AXIN1: variants seen among roughly 807,000 people sequenced by gnomAD.
AXIN1 encodes axin-1.
In AXIN1, 30 loss-of-function variants were observed where a neutral mutation model predicts 76.4. That is an observed-to-expected ratio of 0.39 (90% CI 0.29 to 0.53). AXIN1 has a LOEUF of 0.53. Among genes scored for constraint, AXIN1 ranks in the 20% least tolerant of loss-of-function variants. The pLI is 0.66. For synonymous variants in AXIN1, 545 were observed against 501.4 expected, an observed-to-expected ratio of 1.09 and a Z score of -1.16; for missense variants, 1,140 against 1,198.8, an observed-to-expected ratio of 0.95 and a Z score of 0.72.
At position 293,459 on chromosome 16, in the gene AXIN1, A is replaced by G; in HGVS notation, c.2186+29T>C. ...GAGTGGTGCTGTGGTAACCCCCAAG[A>G]CCCACCCCACCCCACGACGCGGCCG... On this transcript the variant is annotated intron_variant, in intron 8 of 10. Coordinates refer to ENST00000262320, the MANE Select transcript of AXIN1 (RefSeq NM_003502.4). The surrounding 1 kb of genome is among the most constrained non-coding windows in gnomAD (Gnocchi z 4.6). 6.3e-7 allele frequency: 1 copy of G among 1,596,604 alleles called. No individual in the cohort carries two copies. The highest frequency in any genetic ancestry group is 8.5e-7 in the Non-Finnish European group (1 of 1,172,326).
intron 2 of AXIN1, among the ~76,000 whole-genome samples, chr16:319,225 CGACTTGG>C (rs900716137): frequency 1.3e-5 from 2 of 152,094 alleles, no homozygotes; most frequent in African/African-American, 4.8e-5. Context: ...AGAATCCCAG[CGACTTGG>C]GAGGGTAAGG....
At chr16:301,526 C>T (rs888706298) in intron 5 of AXIN1, among the ~76,000 whole-genome samples, 4 of 152,170 alleles carry the variant, frequency 2.6e-5, no homozygotes, top group East Asian at 1.9e-4. Flanking sequence ...CACGGTGGCT[C>T]GTGCCTGAAA....
chr16:304,555 G>A, intron 4 of AXIN1, 114 bp from the exon 5 acceptor site: 1 of 1,491,006 alleles, frequency 6.7e-7, no homozygotes, highest in South Asian at 1.2e-5. Context: ...ATTTTTTTGA[G>A]ACAAACTCTT....
Position 297,839 on chromosome 16 carries a change from C to T in AXIN1, c.1667G>A (p.Arg556His), listed in dbSNP as rs984668055. The T allele has an allele frequency of 3.8e-6, 6 of 1,575,244 alleles. No homozygotes were observed. The highest frequency in any genetic ancestry group is 1.3e-5 in the African/African-American group (1 of 74,482). Reference protein sequence around the residue: ...PKEQVEAEATRRAQSSFAWGL... With the variant: ...PKEQVEAEATHRAQSSFAWGL... ...CCAGGCGAAGCTGCTCTGGGCCCTG[C>T]GGGTGGCCTCGGCCTCCACCTGCTC... Residue 556 changes from arginine to histidine, a missense_variant, in exon 6 of 11, where the codon CGC (arginine) becomes CAC (histidine). Around this residue, in one of 3 missense-constraint regions of AXIN1, gnomAD observed 708 missense variants for 776.9 expected, o/e 0.91. Coordinates refer to ENST00000262320, the MANE Select transcript of AXIN1 (RefSeq NM_003502.4).
In AXIN1 at chr16:289,806, G is replaced by A. The variant is rs111423877; in HGVS notation, c.2295-199C>T. The A allele has an allele frequency of 2.8e-4, 189 of 682,880 alleles. 1 individual carries two copies. The highest frequency in any genetic ancestry group is 2.3e-3 in the African/African-American group (131 of 56,104). The allele number at this position is 682,880 out of a possible 1,614,324, so 42.3% of individuals were successfully genotyped here. ...GTCCGCTAGCAGTGGAGTCGGCTCC[G>A]CTCACTGGGAGCACGAAGGTCTCCC... On this transcript the variant is annotated intron_variant, in intron 9 of 10. Coordinates refer to ENST00000262320, the MANE Select transcript of AXIN1 (RefSeq NM_003502.4).
At chr16:304,611 T>C (rs1448733549) in intron 4 of AXIN1, among the ~76,000 whole-genome samples, 170 bp from the exon 5 acceptor site, 1 of 152,236 alleles carries the variant, frequency 6.6e-6, no homozygotes, top group East Asian at 1.9e-4. Context: ...CTTGGCTCAC[T>C]GCAACCTCTG....
intron 2 of AXIN1, among the ~76,000 whole-genome samples, chr16:324,213 G>T (rs1361383869): frequency 6.6e-6 from 1 of 152,242 alleles, no homozygotes; most frequent in Non-Finnish European, 1.5e-5. Flanking sequence ...GGTCTTCCGG[G>T]CCACATTACG....
chr16:336,934 C>T (rs770652728), intron 2 of AXIN1, among the ~76,000 whole-genome samples: 4 of 151,304 alleles, frequency 2.6e-5, no homozygotes, highest in East Asian at 3.9e-4. Flanking sequence ...TGGATCACAA[C>T]GTCAGGAGAT....
intron 2 of AXIN1, among the ~76,000 whole-genome samples, chr16:331,409 G>A (rs899904157): frequency 6.6e-6 from 1 of 152,218 alleles, no homozygotes; most frequent in Non-Finnish European, 1.5e-5. Flanking sequence ...CAAAGCAGCT[G>A]TGTCCAGTTT....
chr16:340,552 T>C (rs1291187155), intron 2 of AXIN1, among the ~76,000 whole-genome samples: 1 of 152,206 alleles, frequency 6.6e-6, no homozygotes, highest in African/African-American at 2.4e-5. Flanking sequence ...GTGCAGGCCC[T>C]GGGCCTCCCG....
At chr16:351,979 C>G (rs1460409609) in intron 1 of AXIN1, among the ~76,000 whole-genome samples, 2 of 152,164 alleles carry the variant, frequency 1.3e-5, no homozygotes, top group Non-Finnish European at 2.9e-5. Context: ...GTACGGACGC[C>G]GGAGCACGCG....
At chr16:320,763 G>A (rs1222912827) in intron 2 of AXIN1, among the ~76,000 whole-genome samples, 4 of 59,950 alleles carry the variant, frequency 6.7e-5, no homozygotes, top group East Asian at 4.5e-4. Context: ...TTTTTGAGAC[G>A]GAGCCTCGCT....
intron 4 of AXIN1, among the ~76,000 whole-genome samples, chr16:307,461 C>T (rs1467672786): frequency 6.6e-6 from 1 of 152,240 alleles, no homozygotes; most frequent in Non-Finnish European, 1.5e-5. Flanking sequence ...AGAGGCCCCT[C>T]CCCGCAGGGC....
chr16:299,544 G>A (rs777407286), intron 5 of AXIN1, among the ~76,000 whole-genome samples: 13 of 151,298 alleles, frequency 8.6e-5, no homozygotes, highest in African/African-American at 2.2e-4. Flanking sequence ...TAGTAGAGAC[G>A]GGGTTTCACC....
intron 2 of AXIN1, among the ~76,000 whole-genome samples, chr16:320,786 C>T (rs75509980): frequency 2.2e-4 from 29 of 134,626 alleles, no homozygotes; most frequent in Non-Finnish European, 3.4e-4. Context: ...TTCGCCCAGA[C>T]TGGAGTGCAG....
At chr16:350,354 T>G (rs1002333190) in intron 1 of AXIN1, among the ~76,000 whole-genome samples, 4 of 152,208 alleles carry the variant, frequency 2.6e-5, no homozygotes, top group Admixed American at 2.6e-4. Context: ...CAGTTCAGTA[T>G]CAAATGCCTG....
chr16:351,748 ATAT>A (rs143755784), intron 1 of AXIN1, among the ~76,000 whole-genome samples: 27,435 of 150,874 alleles, frequency 0.18, 2,565 homozygotes, highest in South Asian at 0.28. Context: ...TCTACAAAAA[ATAT>A]ATATATATAT....
intron 2 of AXIN1, among the ~76,000 whole-genome samples, chr16:320,837 T>A (rs867025819): frequency 5.9e-4 from 45 of 76,114 alleles, no homozygotes; most frequent in East Asian, 1.3e-3. Context: ...CCTCCTGGGT[T>A]CAATCGATTC....
intron 3 of AXIN1, among the ~76,000 whole-genome samples, chr16:310,459 C>A (rs1345232420): frequency 1.3e-5 from 2 of 152,052 alleles, no homozygotes; most frequent in African/African-American, 4.8e-5. Flanking sequence ...TGCAGTGGCA[C>A]AATCTCGGCT....
Sources: gnomAD v4.1 joint callset for allele counts (sites outside exome capture counted in the v4.1 genomes callset) on GRCh38, gnomAD v4.1.1 for gene constraint, gnomAD v4.1.1 regional missense constraint, Gnocchi (gnomAD v3.1) non-coding constraint, MANE v1.5 for transcripts, NCBI Gene and HGNC (gene_info 2026-07-23, HGNC 2026-07-21) for gene names.